Variants in ZNF532 observed in about 807,000 individuals in gnomAD.
ZNF532 encodes the protein zinc finger protein 532.
ZNF532 carries 22 observed loss-of-function variants against 89.3 expected under a neutral mutation model. The observed-to-expected ratio is 0.25, with a 90% CI of 0.18 to 0.35. The LOEUF (loss-of-function observed/expected upper bound fraction) is 0.35, where lower values mean the gene tolerates loss of function less well. Among genes scored for constraint, ZNF532 ranks in the 10% least tolerant of loss-of-function variants. ZNF532 has a pLI of 1.00. For missense variants in ZNF532, 1,132 were observed against 1,643.4 expected (o/e 0.69, Z 5.38); for synonymous variants, 606 against 649.6 (o/e 0.93, Z 1.02).
chr18:58,969,784 G>T (rs995923419), intron 7 of ZNF532, among the ~76,000 whole-genome samples: 3 of 148,728 alleles, frequency 2.0e-5, no homozygotes, highest in African/African-American at 7.4e-5. Context: ...AGTTTCTTTT[G>T]TCTTTTGATT....
chr18:58,954,163 A>G, intron 7 of ZNF532: 10 of 975,180 alleles, frequency 1.0e-5, no homozygotes, highest in Non-Finnish European at 1.2e-5. Flanking sequence ...GAGCAGAGAA[A>G]GACAGTGGAA....
At chr18:58,888,731 T>TATATATATATTTTATATATATATAAA in intron 2 of ZNF532, among the ~76,000 whole-genome samples, 1 of 49,972 alleles carries the variant, frequency 2.0e-5, no homozygotes, top group Admixed American at 3.9e-4. Flanking sequence ...ATATAAATTA[T>TATATATATATTTTATATATATATAAA]ATATATATAT....
chr18:58,950,179 A>T (rs2064025625), intron 6 of ZNF532, among the ~76,000 whole-genome samples: 1 of 152,220 alleles, frequency 6.6e-6, no homozygotes, highest in Non-Finnish European at 1.5e-5. Context: ...TCTAGAACTC[A>T]TCTTTGCATC....
At chr18:58,974,972 G>A (rs2066880044) in intron 7 of ZNF532, among the ~76,000 whole-genome samples, 1 of 152,200 alleles carries the variant, frequency 6.6e-6, no homozygotes. Flanking sequence ...TAGAGGCCCT[G>A]TTGTTTTGTT....
intron 2 of ZNF532, among the ~76,000 whole-genome samples, chr18:58,915,970 TGGG>T (rs918116022): frequency 6.6e-6 from 1 of 152,226 alleles, no homozygotes; most frequent in African/African-American, 2.4e-5. Flanking sequence ...AAGAAAGAGT[TGGG>T]GGACTAGGGC....
chr18:58,888,851 A>ATT (rs2058630229), intron 2 of ZNF532, among the ~76,000 whole-genome samples: 1 of 47,086 alleles, frequency 2.1e-5, no homozygotes, highest in African/African-American at 9.4e-5. Flanking sequence ...TTATATATAT[A>ATT]TAATTTATAT....
chr18:58,969,226 G>A (rs1444092120), intron 7 of ZNF532, among the ~76,000 whole-genome samples: 6 of 152,198 alleles, frequency 3.9e-5, no homozygotes. Flanking sequence ...TGAGAACACA[G>A]TCTTACTGCT....
rs1465487260 is a variant in ZNF532, at chr18:58,888,857, TA to T, written c.-18+23279del. Reference sequence around the variant, plus strand: ...ATATATAATTTATATATATATAATTTATATATATATAATATATATTATATAT... The same window carrying T: ...ATATATAATTTATATATATATAATTTTATATATATAATATATATTATATAT... On this transcript the variant is annotated intron_variant, in intron 2 of 9. Coordinates refer to ENST00000591808, the MANE Select transcript of ZNF532 (RefSeq NM_001375912.1). Among the ~76,000 whole-genome samples the T allele has an allele frequency of 1.1e-3, 44 of 40,132 alleles. 2 individuals are homozygous for T. The highest frequency in any genetic ancestry group is 6.3e-3 in the African/African-American group (42 of 6,716). 26.3% of individuals were successfully genotyped at this position (40,132 alleles called of 152,430 possible).
Position 58,986,085 on chromosome 18 carries a change from T to C in ZNF532, c.*1619T>C, listed in dbSNP as rs573248539. 1 of 152,758 alleles carries C rather than the reference T, an allele frequency of 6.5e-6. No individual in the cohort carries two copies. The highest frequency in any genetic ancestry group is 6.5e-5 in the Admixed American group (1 of 15,296). 9.5% of individuals were successfully genotyped at this position (152,758 alleles called of 1,614,324 possible). On this transcript the variant is annotated 3_prime_UTR_variant, in exon 10 of 10. Transcript: ENST00000591808. The stretch of plus-strand genomic sequence containing the variant: ...CAGAAGAATGGCATATTCGTTCTCA[T>C]TAGTAATCAGCTATTTTGTCACTTT...
intron 7 of ZNF532, among the ~76,000 whole-genome samples, chr18:58,969,624 A>G (rs1489266871): frequency 2.6e-5 from 4 of 152,096 alleles, no homozygotes; most frequent in Non-Finnish European, 4.4e-5. Context: ...GAAAGTTCCT[A>G]TATGATGTGG....
At chr18:58,973,166 T>A (rs2066654324) in intron 7 of ZNF532, among the ~76,000 whole-genome samples, 1 of 152,254 alleles carries the variant, frequency 6.6e-6, no homozygotes, top group South Asian at 2.1e-4. Context: ...GCAGTGGCAC[T>A]ATCTCTGCTC....
At chr18:58,952,820 T>C (rs896723554) in intron 6 of ZNF532, among the ~76,000 whole-genome samples, 2 of 152,046 alleles carry the variant, frequency 1.3e-5, no homozygotes, top group Non-Finnish European at 1.5e-5. Flanking sequence ...ATCCAGTGAG[T>C]TTAAGTTGAA....
chr18:58,960,334 G>A (rs2065229251), intron 7 of ZNF532, among the ~76,000 whole-genome samples: 1 of 152,216 alleles, frequency 6.6e-6, no homozygotes, highest in South Asian at 2.1e-4. Flanking sequence ...ACAGGTGTGA[G>A]CCATTGTACT....
chr18:58,979,225 G>C, intron 8 of ZNF532, 58 bp downstream of exon 8: 1 of 1,370,880 alleles, frequency 7.3e-7, no homozygotes, highest in Non-Finnish European at 1.0e-6. Flanking sequence ...CCTCTGGAAG[G>C]TTTTTAGTGT....
At chr18:58,947,279 G>A (rs2063747827) in intron 5 of ZNF532, among the ~76,000 whole-genome samples, 1 of 152,158 alleles carries the variant, frequency 6.6e-6, no homozygotes, top group Non-Finnish European at 1.5e-5. Context: ...GGTAGACGCA[G>A]CCCTTTACCC....
At chr18:58,960,070 C>G (rs2065204055) in intron 7 of ZNF532, among the ~76,000 whole-genome samples, 1 of 152,228 alleles carries the variant, frequency 6.6e-6, no homozygotes, top group Admixed American at 6.5e-5. Flanking sequence ...TCCTAAGTAG[C>G]TGGGATTACA....
At chr18:58,863,228 A>G (rs979656517), upstream of ZNF532, 1 of 152,046 alleles carries the variant, frequency 6.6e-6, no homozygotes, top group African/African-American at 2.4e-5. Flanking sequence ...CGTTGGAAAA[A>G]AGCAGCCCTC....
intron 5 of ZNF532, among the ~76,000 whole-genome samples, chr18:58,946,892 CAG>C (rs750936525): frequency 6.6e-6 from 1 of 151,996 alleles, no homozygotes; most frequent in Non-Finnish European, 1.5e-5. Flanking sequence ...TAACTTTGGA[CAG>C]AGAATTGCAC....
intron 7 of ZNF532, among the ~76,000 whole-genome samples, chr18:58,964,539 G>T (rs1023375448): frequency 1.3e-5 from 1 of 78,096 alleles, no homozygotes; most frequent in South Asian, 3.8e-4. Flanking sequence ...TTTTGTTTGT[G>T]TGTGTGTGTG....
Sources: allele counts gnomAD v4.1 joint callset (sites outside exome capture counted in the v4.1 genomes callset), GRCh38; gene constraint gnomAD v4.1.1; transcripts MANE v1.5; gene names NCBI Gene and HGNC (gene_info 2026-07-23, HGNC 2026-07-21).